The following KIRREL3 variants were observed in gnomAD, a reference collection of about 807,000 sequenced individuals.
KIRREL3 encodes the protein kin of IRRE-like protein 3.
In KIRREL3, 36 loss-of-function variants were observed where a neutral mutation model predicts 89.7. That is an observed-to-expected ratio of 0.40 (90% CI 0.31 to 0.53). KIRREL3 has a LOEUF of 0.53. KIRREL3 is among the 20% of genes least tolerant of loss of function. The probability of loss-of-function intolerance (pLI) is 0.49; values close to 1 mark genes in which losing one functional copy is unlikely to be tolerated. For synonymous variants in KIRREL3, 445 were observed against 441.4 expected, an observed-to-expected ratio of 1.01 and a Z score of -0.10; for missense variants, 864 against 1,056.6, an observed-to-expected ratio of 0.82 and a Z score of 2.53.
At chr11:126,567,216 T>C (rs901614273) in intron 1 of KIRREL3, among the ~76,000 whole-genome samples, 3 of 152,200 alleles carry the variant, frequency 2.0e-5, no homozygotes, top group Admixed American at 6.5e-5. Flanking sequence ...GAGGTGATCA[T>C]GTTATAATGA....
chr11:126,433,252 G>C (rs567868178), intron 13 of KIRREL3, among the ~76,000 whole-genome samples: 5 of 152,232 alleles, frequency 3.3e-5, no homozygotes, highest in Non-Finnish European at 5.9e-5. Context: ...CCCTGCGTTC[G>C]TCAGTGTGGG....
At position 126,780,302 on chromosome 11, in the gene KIRREL3, T is replaced by C. The variant is rs938251943; in HGVS notation, c.56-217390A>G. Among the ~76,000 whole-genome samples the C allele has an allele frequency of 6.6e-6, 1 of 152,154 alleles. No homozygotes were observed. The highest frequency in any genetic ancestry group is 1.5e-5 in the Non-Finnish European group (1 of 68,032). On this transcript the variant is annotated intron_variant, in intron 1 of 16. Transcript: ENST00000525144. The surrounding 1 kb of genome is among the most constrained non-coding windows in gnomAD (Gnocchi z 5.3). ...TCTTCTTCCGAGTCCACTAGAGAAG[T>C]GTGGCACAGGAGAGAGCCTTAGCTT... is the stretch of plus-strand genomic sequence containing the variant.
chr11:126,925,849 C>T (rs1244837141), intron 1 of KIRREL3, among the ~76,000 whole-genome samples: 1 of 152,248 alleles, frequency 6.6e-6, no homozygotes, highest in African/African-American at 2.4e-5. Flanking sequence ...CGCATGTCCC[C>T]AGGCACTCCT....
Position 126,715,273 on chromosome 11 carries a change from T to C in KIRREL3, c.56-152361A>G, listed in dbSNP as rs1947912874. ...CATCTATTTTGTGGGGGAAGAAAAC[T>C]ATTCAGCATTTTCAGGTTCCTTCCT... On this transcript the variant is annotated intron_variant, in intron 1 of 16. Coordinates refer to ENST00000525144, the MANE Select transcript of KIRREL3 (RefSeq NM_032531.4). This position sits in a 1 kb window ranked among gnomAD's most constrained non-coding sequence, Gnocchi z 4.4. Among the ~76,000 whole-genome samples the C allele has an allele frequency of 2.0e-5, 3 of 152,356 alleles. No homozygotes were observed. The highest frequency in any genetic ancestry group is 1.9e-4 in the East Asian group (1 of 5,182).
chr11:126,580,664 C>A (rs572246865), intron 1 of KIRREL3, among the ~76,000 whole-genome samples: 3 of 152,140 alleles, frequency 2.0e-5, no homozygotes, highest in African/African-American at 7.2e-5. Flanking sequence ...CAGGAGGGGG[C>A]CTGGCACAGT....
At position 126,689,703 on chromosome 11, in the gene KIRREL3, A is replaced by G. The variant is rs1263980528; in HGVS notation, c.56-126791T>C. The stretch of plus-strand genomic sequence containing the variant: ...ACGCAGTTTCGCTTCAAGTCAGTGC[A>G]ACTAGCTACCTGTCTTCCTGTCACT... On this transcript the variant is annotated intron_variant, in intron 1 of 16. Coordinates refer to ENST00000525144, the MANE Select transcript of KIRREL3 (RefSeq NM_032531.4). This position sits in a 1 kb window ranked among gnomAD's most constrained non-coding sequence, Gnocchi z 5.2. 6.6e-6 allele frequency among the ~76,000 whole-genome samples: 1 copy of G among 152,216 alleles called. No individual in the cohort carries two copies. Among genetic ancestry groups the G allele is most frequent in the Non-Finnish European group, 1.5e-5 (1 of 68,050 alleles).
At position 126,954,734 on chromosome 11, in the gene KIRREL3, T is replaced by C. The variant is rs566964818; in HGVS notation, c.55+45721A>G. Among the ~76,000 whole-genome samples the C allele has an allele frequency of 2.0e-5, 3 of 152,352 alleles. No individual in the cohort carries two copies. The highest frequency in any genetic ancestry group is 1.3e-4 in the Admixed American group (2 of 15,306). On this transcript the variant is annotated intron_variant, in intron 1 of 16. Coordinates refer to ENST00000525144, the MANE Select transcript of KIRREL3 (RefSeq NM_032531.4). This position sits in a 1 kb window ranked among gnomAD's most constrained non-coding sequence, Gnocchi z 4.1. Reference sequence around the variant, plus strand: ...TAACAGTAGTCATATATTGAGTTCCTACCGTGGTAGGCTTCATCCCTGTAG... The same window carrying C: ...TAACAGTAGTCATATATTGAGTTCCCACCGTGGTAGGCTTCATCCCTGTAG...
intron 1 of KIRREL3, among the ~76,000 whole-genome samples, chr11:126,665,078 G>T (rs12420382): frequency 0.026 from 3,972 of 152,280 alleles, 117 homozygotes; most frequent in East Asian, 0.092. Flanking sequence ...TTACATGGTA[G>T]TTCCTTATAA....
chr11:126,537,199 C>A lies in KIRREL3; in HGVS notation c.134-10512G>T, dbSNP rs1252082159. 6.6e-6 allele frequency among the ~76,000 whole-genome samples: 1 copy of A among 152,184 alleles called. No homozygotes were observed. The highest frequency in any genetic ancestry group is 1.5e-5 in the Non-Finnish European group (1 of 68,028). Reference sequence around the variant, plus strand: ...GCTTCTAAGGAGCCTGGTGCTGACACATGCACACACCCGCCTGCATGCCTG... The same window carrying A: ...GCTTCTAAGGAGCCTGGTGCTGACAAATGCACACACCCGCCTGCATGCCTG... On this transcript the variant is annotated intron_variant, in intron 2 of 16. Transcript: ENST00000525144. The surrounding 1 kb of genome is among the most constrained non-coding windows in gnomAD (Gnocchi z 4.3).
rs191250022 is a variant in KIRREL3 at position 126,966,583 on chromosome 11, C to T, written c.55+33872G>A. Among the ~76,000 whole-genome samples, 227 of 152,256 alleles carry T rather than the reference C, an allele frequency of 1.5e-3. No individual in the cohort carries two copies. The South Asian group carries it at 0.033, about 22-fold the overall frequency. On this transcript the variant is annotated intron_variant, in intron 1 of 16. Coordinates refer to ENST00000525144, the MANE Select transcript of KIRREL3 (RefSeq NM_032531.4). ...AAGGAGACCTAGGTGGTGTGCCTGA[C>T]GTGTTAGTTCTGTCTGTGAGGAGCA...
chr11:126,922,037 T>TCTAA (rs1376945134), intron 1 of KIRREL3, among the ~76,000 whole-genome samples: 2 of 149,890 alleles, frequency 1.3e-5, no homozygotes, highest in Non-Finnish European at 3.0e-5. Context: ...TTCCTATCTA[T>TCTAA]CTATCTTCCT....
rs1950861816 is a variant in KIRREL3, at chr11:126,797,827, A to C, written c.55+202628T>G. On this transcript the variant is annotated intron_variant, in intron 1 of 16. Coordinates refer to ENST00000525144, the MANE Select transcript of KIRREL3 (RefSeq NM_032531.4). This position sits in a 1 kb window ranked among gnomAD's most constrained non-coding sequence, Gnocchi z 4.9. ...GAAGCACCGGGAGCAATTTATTTCT[A>C]AACATCAACACTCCAGAATGCAAAG... 6.6e-6 allele frequency among the ~76,000 whole-genome samples: 1 copy of C among 152,214 alleles called. No individual in the cohort carries two copies. Among genetic ancestry groups the C allele is most frequent in the Non-Finnish European group, 1.5e-5 (1 of 68,042 alleles).
intron 1 of KIRREL3, among the ~76,000 whole-genome samples, chr11:126,722,931 G>A (rs1287847269): frequency 6.6e-6 from 1 of 152,170 alleles, no homozygotes; most frequent in African/African-American, 2.4e-5. Context: ...ATTTCCGCAC[G>A]AAATCTCATT....
intron 1 of KIRREL3, among the ~76,000 whole-genome samples, chr11:126,674,287 G>A (rs764865908): frequency 1.3e-5 from 2 of 152,148 alleles, no homozygotes; most frequent in Non-Finnish European, 2.9e-5. Context: ...GATTTTGAAG[G>A]CATACTAGGT....
intron 1 of KIRREL3, among the ~76,000 whole-genome samples, chr11:126,839,091 G>T (rs549123173): frequency 1.3e-5 from 2 of 152,318 alleles, no homozygotes; most frequent in East Asian, 3.9e-4. Context: ...CCAGCGATGA[G>T]CCATGAAAAA....
At chr11:126,753,383 C>G (rs1949398444) in intron 1 of KIRREL3, among the ~76,000 whole-genome samples, 1 of 152,188 alleles carries the variant, frequency 6.6e-6, no homozygotes, top group African/African-American at 2.4e-5. Flanking sequence ...TTTGTTCCAT[C>G]CTGCACTACT....
chr11:126,737,446 G>T (rs1458776855), intron 1 of KIRREL3, among the ~76,000 whole-genome samples: 1 of 152,200 alleles, frequency 6.6e-6, no homozygotes, highest in Non-Finnish European at 1.5e-5. Flanking sequence ...AGTCCTGGGG[G>T]CCTGGGGAAG....
Position 126,710,630 on chromosome 11 carries a change from C to G in KIRREL3, c.56-147718G>C, listed in dbSNP as rs1269768915. Among the ~76,000 whole-genome samples, 1 of 152,194 alleles carries G rather than the reference C, an allele frequency of 6.6e-6. No homozygotes were observed. Among genetic ancestry groups the G allele is most frequent in the East Asian group, 1.9e-4 (1 of 5,200 alleles). ...GCAGGCACCCCTTCTCTGTCCTCAG[C>G]TGGGGACCCCTCTCATCCCACTTGG... On this transcript the variant is annotated intron_variant, in intron 1 of 16. Coordinates refer to ENST00000525144, the MANE Select transcript of KIRREL3 (RefSeq NM_032531.4). The surrounding 1 kb of genome is among the most constrained non-coding windows in gnomAD (Gnocchi z 4.2).
chr11:126,881,597 G>T (rs1451952061), intron 1 of KIRREL3, among the ~76,000 whole-genome samples: 1 of 152,156 alleles, frequency 6.6e-6, no homozygotes, highest in Non-Finnish European at 1.5e-5. Flanking sequence ...ACCCAAGCTG[G>T]AGTGCAGTGG....
Sources: allele counts gnomAD v4.1 joint callset (sites outside exome capture counted in the v4.1 genomes callset), GRCh38; gene constraint gnomAD v4.1.1; non-coding constraint Gnocchi (gnomAD v3.1); transcripts MANE v1.5; gene names NCBI Gene and HGNC (gene_info 2026-07-23, HGNC 2026-07-21).